Variants in C1GALT1 observed in about 807,000 individuals in gnomAD.
The protein encoded by C1GALT1 is glycoprotein-N-acetylgalactosamine 3-beta-galactosyltransferase 1.
C1GALT1 carries 11 observed loss-of-function variants against 31.0 expected under a neutral mutation model. That is an observed-to-expected ratio of 0.36 (90% CI 0.22 to 0.59). The LOEUF is 0.59. Ranked by LOEUF, C1GALT1 falls within the 20% of genes least tolerant of loss-of-function variation. The pLI is 0.79. For missense variants in C1GALT1, 424 were observed against 425.2 expected (o/e 1.00, Z 0.03); for synonymous variants, 175 against 143.6 (o/e 1.22, Z -1.56).
intron 1 of C1GALT1, among the ~76,000 whole-genome samples, chr7:7,189,242 C>T (rs1026773743): frequency 1.8e-4 from 27 of 151,986 alleles, no homozygotes; most frequent in African/African-American, 5.3e-4. Flanking sequence ...TTATGGCTGT[C>T]GAGCATCTTG....
upstream of C1GALT1, among the ~76,000 whole-genome samples, chr7:7,179,623 G>A (rs1042246371): frequency 6.6e-6 from 1 of 152,046 alleles, no homozygotes; most frequent in African/African-American, 2.4e-5. Flanking sequence ...ACTAAGAATT[G>A]CATTTGATAC....
upstream of C1GALT1, among the ~76,000 whole-genome samples, chr7:7,182,144 C>T (rs7803355): frequency 0.14 from 21,624 of 151,992 alleles, 1,639 homozygotes; most frequent in East Asian, 0.21. Context: ...GTAAAGAGAG[C>T]ACGGGGAGAG....
chr7:7,236,668 C>G (rs1200737735), intron 2 of C1GALT1, among the ~76,000 whole-genome samples: 1 of 151,774 alleles, frequency 6.6e-6, no homozygotes, highest in Non-Finnish European at 1.5e-5. Context: ...ATTACAGGCG[C>G]CCACCACTAC....
intron 1 of C1GALT1, among the ~76,000 whole-genome samples, chr7:7,185,984 A>G (rs1263786630): frequency 6.6e-6 from 1 of 152,212 alleles, no homozygotes; most frequent in East Asian, 1.9e-4. Flanking sequence ...TGGATAATCT[A>G]TAAAGAAAAG....
chr7:7,158,723 A>C (rs1780301096), intron 2 of C1GALT1, among the ~76,000 whole-genome samples: 1 of 151,954 alleles, frequency 6.6e-6, no homozygotes. Flanking sequence ...TGTAGGACTC[A>C]TATACGCATA....
chr7:7,234,424 T>G lies in C1GALT1; in HGVS notation c.105T>G (p.Val35=). The G allele has an allele frequency of 6.2e-7, 1 of 1,613,904 alleles. No homozygotes were observed. Among genetic ancestry groups the G allele is most frequent in the Non-Finnish European group, 8.5e-7 (1 of 1,179,818 alleles). The change falls in exon 2 of 4, where the codon GTT becomes GTG. Residue 35 remains valine (V), a synonymous_variant. Coordinates refer to ENST00000436587, the MANE Select transcript of C1GALT1 (RefSeq NM_020156.5). Reference sequence around the variant, plus strand: ...TTAGTATTTTGTTGGGAGAAAAGGTTGACACCCAGCCTAATGTTCTTCATA... The same window carrying G: ...TTAGTATTTTGTTGGGAGAAAAGGTGGACACCCAGCCTAATGTTCTTCATA... ...QLFSILLGEK[V]DTQPNVLHND...
At chr7:7,197,750 T>A (rs1449088350) in intron 1 of C1GALT1, among the ~76,000 whole-genome samples, 4 of 152,176 alleles carry the variant, frequency 2.6e-5, no homozygotes, top group Non-Finnish European at 5.9e-5. Context: ...CTTGAAGAGG[T>A]CCTTCACATC....
chr7:7,215,339 A>G (rs1008891646), intron 1 of C1GALT1, among the ~76,000 whole-genome samples: 7 of 152,210 alleles, frequency 4.6e-5, no homozygotes, highest in African/African-American at 1.7e-4. Flanking sequence ...TTCATTAATT[A>G]TAAATTTACA....
intron 1 of C1GALT1, among the ~76,000 whole-genome samples, chr7:7,212,910 C>T (rs1782071186): frequency 6.6e-6 from 1 of 152,132 alleles, no homozygotes; most frequent in Non-Finnish European, 1.5e-5. Context: ...GCAGCCAGCT[C>T]AGAGGACCTT....
At chr7:7,196,439 A>G (rs2128234013) in intron 1 of C1GALT1, among the ~76,000 whole-genome samples, 1 of 152,274 alleles carries the variant, frequency 6.6e-6, no homozygotes, top group Middle Eastern at 3.4e-3. Flanking sequence ...TGTATGTACC[A>G]CATTTTCTTA....
intron 1 of C1GALT1, among the ~76,000 whole-genome samples, chr7:7,234,049 G>C (rs1195628580): frequency 2.6e-5 from 4 of 152,116 alleles, no homozygotes; most frequent in Admixed American, 2.0e-4. Flanking sequence ...GGGAAGAATA[G>C]GAAATTCTGT....
At chr7:7,222,564 A>G (rs1032607285) in intron 1 of C1GALT1, among the ~76,000 whole-genome samples, 5 of 152,206 alleles carry the variant, frequency 3.3e-5, no homozygotes, top group African/African-American at 1.2e-4. Context: ...GTGAACATGA[A>G]TACTATTTGA....
At chr7:7,197,897 A>G (rs1233058258) in intron 1 of C1GALT1, among the ~76,000 whole-genome samples, 2 of 152,208 alleles carry the variant, frequency 1.3e-5, no homozygotes, top group Non-Finnish European at 2.9e-5. Flanking sequence ...TTGTATCCTG[A>G]GACTTTGCTG....
At chr7:7,159,277 G>A (rs1483575961) in intron 2 of C1GALT1, among the ~76,000 whole-genome samples, 2 of 152,042 alleles carry the variant, frequency 1.3e-5, no homozygotes, top group African/African-American at 2.4e-5. Flanking sequence ...TTGAACGACT[G>A]TAATATTGAC....
At chr7:7,185,409 CTGGG>C (rs1345441445) in intron 1 of C1GALT1, among the ~76,000 whole-genome samples, 1 of 152,116 alleles carries the variant, frequency 6.6e-6, no homozygotes, top group Non-Finnish European at 1.5e-5. Context: ...ATACGACAAA[CTGGG>C]TGATTTAAAA....
intron 2 of C1GALT1, among the ~76,000 whole-genome samples, chr7:7,175,137 G>A (rs1356674047): frequency 1.3e-5 from 2 of 152,004 alleles, no homozygotes; most frequent in African/African-American, 2.4e-5. Flanking sequence ...CTGTTTTCTG[G>A]TTCTTGAAGG....
At chr7:7,232,049 G>A (rs1282939950) in intron 1 of C1GALT1, among the ~76,000 whole-genome samples, 1 of 152,140 alleles carries the variant, frequency 6.6e-6, no homozygotes, top group African/African-American at 2.4e-5. Context: ...ATTAATTTTT[G>A]CTTAGCTTTA....
intron 1 of C1GALT1, among the ~76,000 whole-genome samples, chr7:7,199,940 A>C (rs936771736): frequency 6.6e-6 from 1 of 152,138 alleles, no homozygotes; most frequent in Non-Finnish European, 1.5e-5. Flanking sequence ...GTGTCTCTGC[A>C]CGTGAGATGG....
intron 1 of C1GALT1, among the ~76,000 whole-genome samples, chr7:7,199,916 T>C (rs933333338): frequency 7.9e-5 from 12 of 152,212 alleles, no homozygotes; most frequent in Non-Finnish European, 2.9e-5. Context: ...CATCCCTTTA[T>C]TTTGAGCCTA....
Sources: gnomAD v4.1 joint callset for allele counts (sites outside exome capture counted in the v4.1 genomes callset) on GRCh38, gnomAD v4.1.1 for gene constraint, MANE v1.5 for transcripts, NCBI Gene and HGNC (gene_info 2026-07-23, HGNC 2026-07-21) for gene names.